PCDHA1: variants seen among roughly 807,000 people sequenced by gnomAD.
PCDHA1 encodes the protein protocadherin alpha 1.
In PCDHA1, 42 loss-of-function variants were observed where a neutral mutation model predicts 61.3. The ratio of observed to expected loss-of-function variants is 0.69; its 90% CI spans 0.54 to 0.89. The LOEUF (loss-of-function observed/expected upper bound fraction) is 0.89, where lower values mean the gene tolerates loss of function less well. Among genes scored for constraint, PCDHA1 ranks in the 40% least tolerant of loss-of-function variants. PCDHA1 has a pLI of 0.00. For synonymous variants in PCDHA1, 610 were observed against 553.8 expected, an observed-to-expected ratio of 1.10 and a Z score of -1.43; for missense variants, 1,256 against 1,235.3, an observed-to-expected ratio of 1.02 and a Z score of -0.25.
intron 1 of PCDHA1, chr5:140,829,762 C>G (rs1770548782): frequency 6.2e-7 from 1 of 1,613,752 alleles, no homozygotes; most frequent in Non-Finnish European, 8.5e-7. Flanking sequence ...TCGTGCTGGA[C>G]GAGAACGACA....
At position 140,822,842 on chromosome 5, in the gene PCDHA1, T is replaced by C. The variant is rs1554128917; in HGVS notation, c.2394+34158T>C. 3 of 1,614,234 alleles carry C rather than the reference T, an allele frequency of 1.9e-6. No individual in the cohort carries two copies. The South Asian group carries it at 3.3e-5, about 18-fold the overall frequency. On this transcript the variant is annotated intron_variant, in intron 1 of 3. Coordinates refer to ENST00000504120, the MANE Select transcript of PCDHA1 (RefSeq NM_018900.4). The stretch of plus-strand genomic sequence containing the variant: ...GAGATGGCCATAACCACCCTTTTCC[T>C]GCCTGTCAAAGAGGACGCTCCACTC...
intron 1 of PCDHA1, among the ~76,000 whole-genome samples, chr5:140,909,888 C>A (rs1391505487): frequency 6.6e-6 from 1 of 152,172 alleles, no homozygotes; most frequent in Admixed American, 6.5e-5. Flanking sequence ...AGACACTGTT[C>A]AGTAGTCCCT....
chr5:140,982,499 C>T lies in PCDHA1; in HGVS notation c.2478C>T (p.Gly826=). The T allele has an allele frequency of 6.2e-7, 1 of 1,614,184 alleles. No individual in the cohort carries two copies. The highest frequency in any genetic ancestry group is 8.5e-7 in the Non-Finnish European group (1 of 1,180,024). The part of the protein sequence containing the change: ...MHSSVHLEEA[G]ILRAGPGGPD... Reference sequence around the variant, plus strand: ...GCTCTGTGCACCTAGAGGAGGCTGGCATTCTACGGGCTGGTCCAGGAGGGC... The same window carrying T: ...GCTCTGTGCACCTAGAGGAGGCTGGTATTCTACGGGCTGGTCCAGGAGGGC... The change falls in exon 3 of 4, where the codon GGC becomes GGT. Residue 826 remains glycine (G), a synonymous_variant. Transcript: ENST00000504120.
chr5:140,795,117 C>T, intron 1 of PCDHA1: 1 of 1,614,050 alleles, frequency 6.2e-7, no homozygotes, highest in Non-Finnish European at 8.5e-7. Flanking sequence ...TCGCGCAGGA[C>T]CTGGGGCTGG....
intron 1 of PCDHA1, chr5:140,877,728 G>A: frequency 1.2e-6 from 2 of 1,614,164 alleles, no homozygotes; most frequent in Non-Finnish European, 1.7e-6. Context: ...CTTACTCGCA[G>A]CAGAGGAGGC....
chr5:140,972,820 C>A (rs1247488574), intron 1 of PCDHA1, among the ~76,000 whole-genome samples: 3 of 151,964 alleles, frequency 2.0e-5, no homozygotes, highest in Admixed American at 6.6e-5. Context: ...CGCGCCACCA[C>A]GCCTGGCTAA....
chr5:140,884,549 G>A (rs782470468), intron 1 of PCDHA1: 3 of 1,614,016 alleles, frequency 1.9e-6, no homozygotes, highest in African/African-American at 1.3e-5. Context: ...GGTGTGCTCT[G>A]GGGAGGGCCC....
At chr5:140,845,287 C>A (rs918574993) in intron 1 of PCDHA1, among the ~76,000 whole-genome samples, 1 of 149,322 alleles carries the variant, frequency 6.7e-6, no homozygotes, top group Non-Finnish European at 1.5e-5. Flanking sequence ...TATTTCCTAT[C>A]CTGTCTATGT....
intron 3 of PCDHA1, among the ~76,000 whole-genome samples, chr5:141,005,659 G>T (rs963015988): frequency 1.6e-5 from 2 of 123,890 alleles, no homozygotes; most frequent in South Asian, 2.6e-4. Flanking sequence ...TCGAGATCGC[G>T]CCACTGCACT....
At chr5:140,945,377 C>T (rs1183566005) in intron 1 of PCDHA1, among the ~76,000 whole-genome samples, 3 of 151,814 alleles carry the variant, frequency 2.0e-5, no homozygotes, top group African/African-American at 7.3e-5. Context: ...CCATATTACC[C>T]AAAGCAATAT....
At position 140,802,905 on chromosome 5, in the gene PCDHA1, G is replaced by A. The variant is rs782648396; in HGVS notation, c.2394+14221G>A. On this transcript the variant is annotated intron_variant, in intron 1 of 3. Transcript: ENST00000504120. ...CGCGCCGGCACTGCTGATGCCTCGG[G>A]TGGGTGGCATCGGTGGCGCAGTGAG... is the stretch of plus-strand genomic sequence containing the variant. 49 of 1,613,674 alleles carry A rather than the reference G, an allele frequency of 3.0e-5. No individual in the cohort carries two copies. Among genetic ancestry groups the A allele is most frequent in the Admixed American group, 5.0e-5 (3 of 59,992 alleles).
intron 1 of PCDHA1, among the ~76,000 whole-genome samples, chr5:140,892,616 G>C (rs781995267): frequency 6.6e-6 from 1 of 151,910 alleles, no homozygotes; most frequent in Non-Finnish European, 1.5e-5. Flanking sequence ...TTTATTTCCA[G>C]TTGGTACATA....
At position 140,841,487 on chromosome 5, in the gene PCDHA1, C is replaced by G. The variant is rs2150316541; in HGVS notation, c.2394+52803C>G. The G allele has an allele frequency of 6.2e-7, 1 of 1,613,022 alleles. No homozygotes were observed. Among genetic ancestry groups the G allele is most frequent in the Non-Finnish European group, 8.5e-7 (1 of 1,179,924 alleles). On this transcript the variant is annotated intron_variant, in intron 1 of 3. Transcript: ENST00000504120. ...GATCGCGCAGGACCTGGGGCTGGAG[C>G]TGGCGGAGCTGGTGCCGCGCCTGTT...
rs184817309 is a variant in PCDHA1, at chr5:140,876,910, T to G, written c.2394+88226T>G. On this transcript the variant is annotated intron_variant, in intron 1 of 3. Coordinates refer to ENST00000504120, the MANE Select transcript of PCDHA1 (RefSeq NM_018900.4). The stretch of plus-strand genomic sequence containing the variant: ...CTGCCACATCTTCACGGTGTCGGCA[T>G]GGGACGCGGACGCGCAGAAGAACGC... 1.1e-5 allele frequency: 18 copies of G among 1,613,860 alleles called. No homozygotes were observed. The South Asian group carries it at 1.4e-4, about 13-fold the overall frequency.
intron 1 of PCDHA1, among the ~76,000 whole-genome samples, chr5:140,896,590 T>G (rs1338982892): frequency 6.6e-6 from 1 of 152,032 alleles, no homozygotes; most frequent in Non-Finnish European, 1.5e-5. Flanking sequence ...TTGGCCAGGC[T>G]GGTCTCGAAC....
At chr5:140,954,367 C>T (rs246024) in intron 1 of PCDHA1, among the ~76,000 whole-genome samples, 85,692 of 152,060 alleles carry the variant, frequency 0.56, 24,769 homozygotes, top group African/African-American at 0.69. Context: ...CACACAGTCT[C>T]CCACAATGAG....
chr5:140,953,901 A>G (rs1354951706), intron 1 of PCDHA1, among the ~76,000 whole-genome samples: 1 of 152,156 alleles, frequency 6.6e-6, no homozygotes, highest in Admixed American at 6.5e-5. Flanking sequence ...TATTAAGCCC[A>G]GCATCCATTA....
rs1228341912 is a variant in PCDHA1 at position 140,843,752 on chromosome 5, T to G, written c.2394+55068T>G. 2.6e-6 allele frequency: 4 copies of G among 1,516,428 alleles called. No individual in the cohort carries two copies. In the African/African-American group the frequency reaches 5.5e-5, roughly 21 times the overall value. The allele number at this position is 1,516,428 out of a possible 1,614,324, so 93.9% of individuals were successfully genotyped here. ...TAAATTTAGAACTCATAAATTCTAT[T>G]TGTGGAAATTGTAGTTACTTTAAAA... On this transcript the variant is annotated intron_variant, in intron 1 of 3. Transcript: ENST00000504120.
chr5:140,890,069 A>C (rs1554184149), intron 1 of PCDHA1, among the ~76,000 whole-genome samples: 1 of 152,204 alleles, frequency 6.6e-6, no homozygotes, highest in Non-Finnish European at 1.5e-5. Flanking sequence ...TTACTGGCTT[A>C]TGAGAACTGA....
Sources: gnomAD v4.1 joint callset for allele counts (sites outside exome capture counted in the v4.1 genomes callset) on GRCh38, gnomAD v4.1.1 for gene constraint, MANE v1.5 for transcripts, NCBI Gene and HGNC (gene_info 2026-07-23, HGNC 2026-07-21) for gene names.